The following C19orf67 variants were observed in gnomAD, a reference collection of about 807,000 sequenced individuals.
C19orf67 encodes the protein chromosome 19 open reading frame 67.
Under a neutral mutation model 41.4 loss-of-function variants are expected in C19orf67, and 28 were observed. The ratio of observed to expected loss-of-function variants is 0.68; its 90% CI spans 0.50 to 0.93. The LOEUF is 0.93. Among genes scored for constraint, C19orf67 ranks in the 40% least tolerant of loss-of-function variants. The pLI, the probability that C19orf67 is intolerant of heterozygous loss-of-function variation, is 0.00. For synonymous variants in C19orf67, 242 were observed against 203.4 expected (o/e 1.19, Z -1.62); for missense variants, 421 against 467.0 (o/e 0.90, Z 0.91).
At chr19:14,084,157 G>GGAGGCT (rs1976816588) in intron 1 of C19orf67, among the ~76,000 whole-genome samples, 1 of 152,126 alleles carries the variant, frequency 6.6e-6, no homozygotes, top group Admixed American at 6.6e-5. Context: ...TAGAGTTTTG[G>GGAGGCT]GAGGCTGAGG....
At position 14,083,354 on chromosome 19, in the gene C19orf67, C is replaced by T; in HGVS notation, c.650G>A (p.Cys217Tyr). ...GCTGGCAGTGTAGGCGGTTGGGGCA[C>T]AGTATCTGAAGATGGAGACCTCATG... ...LSHEVSIFRY[C>Y]APTAYTASRF... is the part of the protein sequence containing the mutation. The change falls in exon 4 of 6, where the codon TGT becomes TAT. Residue 217 changes from cysteine to tyrosine, a missense_variant. This residue lies in a region of C19orf67 where 253 missense variants were observed against 307.0 expected (regional missense o/e 0.82). Coordinates refer to ENST00000548523, the MANE Select transcript of C19orf67 (RefSeq NM_001277378.2). 2 of 1,535,846 alleles carry T rather than the reference C, an allele frequency of 1.3e-6. No homozygotes were observed. Among genetic ancestry groups the T allele is most frequent in the Non-Finnish European group, 1.7e-6 (2 of 1,146,830 alleles).
At position 14,081,649 on chromosome 19, in the gene C19orf67, C is replaced by G. The variant is rs1334493449; in HGVS notation, c.*185G>C. The G allele has an allele frequency of 1.1e-5, 5 of 457,688 alleles. No homozygotes were observed. The highest frequency in any genetic ancestry group is 1.9e-5 in the Non-Finnish European group (5 of 262,962). 28.4% of individuals were successfully genotyped at this position (457,688 alleles called of 1,614,324 possible). A position where few individuals can be genotyped will look rare whatever the true frequency, so the allele number is the denominator to read the frequency against. On this transcript the variant is annotated 3_prime_UTR_variant, in exon 6 of 6. Transcript: ENST00000548523. ...ACCTCTTTCTTTCTTTTATTTAACA[C>G]AAAACTGACGTGTCCGCATTCAGGG... is the stretch of plus-strand genomic sequence containing the variant.
chr19:14,084,521 CAACAA>C (rs1265197207), intron 1 of C19orf67, among the ~76,000 whole-genome samples: 7 of 149,218 alleles, frequency 4.7e-5, no homozygotes, highest in African/African-American at 9.9e-5. Context: ...AAACACATAA[CAACAA>C]AACAAAACAA....
At chr19:14,082,257 C>T (rs1976779405) in intron 5 of C19orf67, among the ~76,000 whole-genome samples, 1 of 152,190 alleles carries the variant, frequency 6.6e-6, no homozygotes, top group Admixed American at 6.5e-5. Context: ...GTAACAACTT[C>T]TCTGAGCACC....
rs765372660 is a variant in C19orf67, at chr19:14,083,932, G to T, written c.336-55C>A. 8 of 1,279,644 alleles carry T rather than the reference G, an allele frequency of 6.3e-6. No homozygotes were observed. The Admixed American group carries it at 1.8e-4, about 28-fold the overall frequency. 79.3% of individuals were successfully genotyped at this position (1,279,644 alleles called of 1,614,324 possible). On this transcript the variant is annotated intron_variant, in intron 1 of 5. Coordinates refer to ENST00000548523, the MANE Select transcript of C19orf67 (RefSeq NM_001277378.2). The stretch of plus-strand genomic sequence containing the variant: ...ATCCCTCACAACCCCTCCCCACCCC[G>T]CAGTTTTCCCCATTCTACTCAATCC...
chr19:14,082,533 G>T lies in C19orf67; in HGVS notation c.838C>A (p.Gln280Lys). ...CATCGGCCGATGGACCACAGCTTCT[G>T]GATCTGTGGGCACGAATTGGCTGGA... is the stretch of plus-strand genomic sequence containing the variant. Reference protein sequence around the residue: ...QSPANSCPQIQKLWSIGRWVP... With the variant: ...QSPANSCPQIKKLWSIGRWVP... The change falls in exon 5 of 6, where the codon CAG becomes AAG. Residue 280 changes from glutamine (Q) to lysine (K), a missense_variant. Gln to Lys is a moderately conservative substitution (Grantham distance 53, BLOSUM62 1). This residue lies in a region of C19orf67 where 253 missense variants were observed against 307.0 expected (regional missense o/e 0.82). Transcript: ENST00000548523. 1 of 1,536,320 alleles carries T rather than the reference G, an allele frequency of 6.5e-7. No individual in the cohort carries two copies. Among genetic ancestry groups the T allele is most frequent in the Non-Finnish European group, 8.7e-7 (1 of 1,146,914 alleles).
At chr19:14,084,276 G>C (rs1255904569) in intron 1 of C19orf67, among the ~76,000 whole-genome samples, 1 of 152,016 alleles carries the variant, frequency 6.6e-6, no homozygotes, top group Admixed American at 6.6e-5. Flanking sequence ...TGTAGTCCCA[G>C]TTACCCAGGA....
rs1238558808 is a variant in C19orf67, at chr19:14,083,229, G to T, written c.767+8C>A. On this transcript the variant is annotated splice_region_variant and intron_variant, in intron 4 of 5. Coordinates refer to ENST00000548523, the MANE Select transcript of C19orf67 (RefSeq NM_001277378.2). ...GGGGAGGACTTTGATTTGGGTAAGA[G>T]GACTTACTAATCCACAAGGGAATCT... 6.5e-7 allele frequency: 1 copy of T among 1,535,516 alleles called. No homozygotes were observed. Among genetic ancestry groups the T allele is most frequent in the Non-Finnish European group, 8.7e-7 (1 of 1,146,444 alleles).
At chr19:14,084,935 T>C (rs1976829855) in intron 1 of C19orf67, among the ~76,000 whole-genome samples, 1 of 152,170 alleles carries the variant, frequency 6.6e-6, no homozygotes, top group South Asian at 2.1e-4. Flanking sequence ...GGGAATCACA[T>C]TATCCTTTGG....
rs529150687 is a variant in C19orf67, at chr19:14,085,653, A to T, written c.-26T>A. 22 of 1,475,634 alleles carry T rather than the reference A, an allele frequency of 1.5e-5. No homozygotes were observed. In the East Asian group the frequency reaches 5.4e-4, roughly 36 times the overall value. The allele number at this position is 1,475,634 out of a possible 1,614,324, so 91.4% of individuals were successfully genotyped here. A position where few individuals can be genotyped will look rare whatever the true frequency, so the allele number is the denominator to read the frequency against. ...GGTAGGGCCGGGGGGCGGGAACCTG[A>T]GCTCTTTAAGCTTCCGCTGCTGCTC... On this transcript the variant is annotated 5_prime_UTR_variant, in exon 1 of 6. Coordinates refer to ENST00000548523, the MANE Select transcript of C19orf67 (RefSeq NM_001277378.2).
Position 14,082,528 on chromosome 19 carries a change from C to T in C19orf67, c.843G>A (p.Lys281=). The stretch of plus-strand genomic sequence containing the variant: ...GCACCCATCGGCCGATGGACCACAG[C>T]TTCTGGATCTGTGGGCACGAATTGG... ...SPANSCPQIQ[K]LWSIGRWVPL... Residue 281 remains lysine (K), a synonymous_variant, in exon 5 of 6, where the codon AAG becomes AAA. Coordinates refer to ENST00000548523, the MANE Select transcript of C19orf67 (RefSeq NM_001277378.2). 2 of 1,536,272 alleles carry T rather than the reference C, an allele frequency of 1.3e-6. No individual in the cohort carries two copies. Among genetic ancestry groups the T allele is most frequent in the Non-Finnish European group, 1.7e-6 (2 of 1,146,876 alleles).
At position 14,085,444 on chromosome 19, in the gene C19orf67, G is replaced by C; in HGVS notation, c.184C>G (p.Arg62Gly). ...EDAEGRLAEARASTSSPKPLV... is the reference protein window; with the variant it reads ...EDAEGRLAEAGASTSSPKPLV... ...GGTTTGGGGGAAGACGTGGAGGCCCGGGCCTCAGCCAGCCGCCCCTCGGCA... is the reference window on the plus strand; with the variant it reads ...GGTTTGGGGGAAGACGTGGAGGCCCCGGCCTCAGCCAGCCGCCCCTCGGCA... The change falls in exon 1 of 6, where the codon CGG (arginine) becomes GGG (glycine). Residue 62 changes from arginine to glycine, a missense_variant. Physicochemically the swap from Arg to Gly is moderately radical, Grantham distance 125. Coordinates refer to ENST00000548523, the MANE Select transcript of C19orf67 (RefSeq NM_001277378.2). 2 of 1,535,644 alleles carry C rather than the reference G, an allele frequency of 1.3e-6. No homozygotes were observed. The highest frequency in any genetic ancestry group is 8.7e-7 in the Non-Finnish European group (1 of 1,146,780).
chr19:14,081,990 C>A lies in C19orf67; in HGVS notation c.921G>T (p.Pro307=), dbSNP rs1259256927. 6.7e-7 allele frequency: 1 copy of A among 1,501,078 alleles called. No homozygotes were observed. Among genetic ancestry groups the A allele is most frequent in the Non-Finnish European group, 8.9e-7 (1 of 1,125,012 alleles). The allele number at this position is 1,501,078 out of a possible 1,614,324, so 93.0% of individuals were successfully genotyped here. A position where few individuals can be genotyped will look rare whatever the true frequency, so the allele number is the denominator to read the frequency against. The change falls in exon 6 of 6, where the codon CCG becomes CCT. Residue 307 remains proline, a synonymous_variant. Transcript: ENST00000548523. ...TCAGCAGCTGCTGGTAGTCCCCAAGCGGCTGCGGGCACAAAATCCTGGGGT... is the reference window on the plus strand; with the variant it reads ...TCAGCAGCTGCTGGTAGTCCCCAAGAGGCTGCGGGCACAAAATCCTGGGGT... ...DLYSWILCPQ[P]LGDYQQLLTI...
chr19:14,085,492 G>A lies in C19orf67; in HGVS notation c.136C>T (p.Pro46Ser), dbSNP rs143750292. Residue 46 changes from proline to serine, a missense_variant, in exon 1 of 6, where the codon CCA (proline) becomes TCA (serine). Pro to Ser is a moderately conservative substitution (Grantham distance 74). This residue lies in a region of C19orf67 where 160 missense variants were observed against 139.2 expected (regional missense o/e 1.15). Coordinates refer to ENST00000548523, the MANE Select transcript of C19orf67 (RefSeq NM_001277378.2). ...GCATCTTCAGGATCCGGCTCAGATG[G>A]GTTCCCAGGCCTGCCAGGGGGCGTC... ...RSTPPGRPGN[P>S]SEPDPEDAEG... 11 of 1,535,468 alleles carry A rather than the reference G, an allele frequency of 7.2e-6. No individual in the cohort carries two copies. In the Admixed American group the frequency reaches 1.2e-4, roughly 16 times the overall value.
rs1976837219 is a variant in C19orf67, at chr19:14,085,330, T to A, written c.298A>T (p.Lys100Ter). 1 of 1,536,170 alleles carries A rather than the reference T, an allele frequency of 6.5e-7. No homozygotes were observed. Among genetic ancestry groups the A allele is most frequent in the Admixed American group, 2.0e-5 (1 of 50,994 alleles). Reference protein sequence around the residue: ...PITQQLRYLLKKADDFQSYLL... With the variant: ...PITQQLRYLL ...TAGCTCTGGAAATCATCTGCCTTCTTCAGTAGGTAGCGCAGCTGTTGGGTG... is the reference window on the plus strand; with the variant it reads ...TAGCTCTGGAAATCATCTGCCTTCTACAGTAGGTAGCGCAGCTGTTGGGTG... The change falls in exon 1 of 6, where the codon AAG (lysine) becomes TAG (stop). Residue 100 changes from lysine to a stop codon, truncating the protein, a stop_gained. Transcript: ENST00000548523. LOFTEE classifies it high-confidence loss of function.
chr19:14,084,593 G>A (rs1385889721), intron 1 of C19orf67, among the ~76,000 whole-genome samples: 1 of 152,074 alleles, frequency 6.6e-6, no homozygotes, highest in African/African-American at 2.4e-5. Flanking sequence ...AGCACTTTGG[G>A]AGGCCAAGGC....
chr19:14,081,796 G>T lies in C19orf67; in HGVS notation c.*38C>A, dbSNP rs913520533. 2.2e-5 allele frequency: 32 copies of T among 1,451,524 alleles called. No individual in the cohort carries two copies. The highest frequency in any genetic ancestry group is 7.2e-5 in the African/African-American group (5 of 69,020). The allele number at this position is 1,451,524 out of a possible 1,614,324, so 89.9% of individuals were successfully genotyped here. The stretch of plus-strand genomic sequence containing the variant: ...CCCCTGCCCCCTATTCTGGAGTTTG[G>T]AACTGTCAAGTTCCAGCTCCTACCC... On this transcript the variant is annotated 3_prime_UTR_variant, in exon 6 of 6. Transcript: ENST00000548523.
rs1330592411 is a variant in C19orf67, at chr19:14,085,558, A to C, written c.70T>G (p.Leu24Val). The C allele has an allele frequency of 6.5e-7, 1 of 1,535,070 alleles. No homozygotes were observed. The highest frequency in any genetic ancestry group is 1.4e-5 in the African/African-American group (1 of 73,004). The change falls in exon 1 of 6, where the codon TTG becomes GTG. Residue 24 changes from leucine to valine, a missense_variant. By Grantham distance (32) the Leu-to-Val change is conservative. Coordinates refer to ENST00000548523, the MANE Select transcript of C19orf67 (RefSeq NM_001277378.2). ...DPGETPPPDA[L>V]EPGTPPCGDP... is the part of the protein sequence containing the mutation. ...CCGCAGGGCGGCGTCCCAGGTTCCA[A>C]GGCGTCTGGAGGCGGTGTTTCTCCA...
intron 4 of C19orf67, 95 bp from the exon 5 acceptor site, chr19:14,082,698 A>C (rs1269270900): frequency 2.4e-6 from 3 of 1,254,596 alleles, no homozygotes; most frequent in Non-Finnish European, 3.2e-6. Flanking sequence ...AACTCATCAG[A>C]AGTTGCCCTG....
Sources: allele counts gnomAD v4.1 joint callset (sites outside exome capture counted in the v4.1 genomes callset), GRCh38; gene constraint gnomAD v4.1.1; regional missense constraint gnomAD v4.1.1; transcripts MANE v1.5; gene names NCBI Gene and HGNC (gene_info 2026-07-23, HGNC 2026-07-21).